SORT1: variants seen among roughly 807,000 people sequenced by gnomAD.
The protein encoded by SORT1 is sortilin 1.
SORT1 carries 39 observed loss-of-function variants against 101.7 expected under a neutral mutation model. The observed-to-expected ratio is 0.38, with a 90% CI of 0.30 to 0.50. The LOEUF is 0.50. SORT1 is among the 20% of genes least tolerant of loss of function. The probability of loss-of-function intolerance (pLI) is 0.90; values close to 1 mark genes in which losing one functional copy is unlikely to be tolerated. For synonymous variants in SORT1, 396 were observed against 393.7 expected (o/e 1.01, Z -0.07); for missense variants, 878 against 1,040.4 (o/e 0.84, Z 2.15).
chr1:109,333,916 G>T (rs1201693106), intron 11 of SORT1, among the ~76,000 whole-genome samples: 3 of 152,216 alleles, frequency 2.0e-5, no homozygotes. Flanking sequence ...GGAGGCAGAG[G>T]CGGGTGGATC....
In SORT1 at chr1:109,309,675, A is replaced by G. The variant is rs1658603038; in HGVS notation, c.*4368T>C. The G allele has an allele frequency of 2.6e-5, 4 of 152,212 alleles. No homozygotes were observed. The highest frequency in any genetic ancestry group is 2.6e-4 in the Admixed American group (4 of 15,278). The allele number at this position is 152,212 out of a possible 1,614,324, so 9.4% of individuals were successfully genotyped here. ...TAAACACATTCAGATTTATTTACAC[A>G]ATGCTAAAGAAATTTGAGTTTTATT... On this transcript the variant is annotated 3_prime_UTR_variant, in exon 20 of 20. Coordinates refer to ENST00000256637, the MANE Select transcript of SORT1 (RefSeq NM_002959.7).
chr1:109,358,085 C>A (rs1030522), intron 3 of SORT1, among the ~76,000 whole-genome samples: 1 of 151,938 alleles, frequency 6.6e-6, no homozygotes, highest in African/African-American at 2.4e-5. Flanking sequence ...CTTGGCACAA[C>A]AAACACATCC....
At position 109,397,632 on chromosome 1, in the gene SORT1, G is replaced by A. The variant is rs2100941550; in HGVS notation, c.261C>T (p.Gly87=). 2.3e-6 allele frequency: 3 copies of A among 1,277,922 alleles called. No homozygotes were observed. The highest frequency in any genetic ancestry group is 4.5e-5 in the East Asian group (1 of 22,036). The allele number at this position is 1,277,922 out of a possible 1,614,324, so 79.2% of individuals were successfully genotyped here. ...GCTTGGCGACGAAGTCCCGGACCCG[G>A]CCGCACTCCTCGTCCTCGCCCGGCG... The part of the protein sequence containing the change: ...RSAPGEDEEC[G]RVRDFVAKLA... Residue 87 remains glycine, a synonymous_variant, in exon 1 of 20, where the codon GGC becomes GGT. Coordinates refer to ENST00000256637, the MANE Select transcript of SORT1 (RefSeq NM_002959.7).
intron 1 of SORT1, among the ~76,000 whole-genome samples, chr1:109,391,292 T>C (rs1271308802): frequency 1.3e-5 from 2 of 152,170 alleles, no homozygotes; most frequent in Non-Finnish European, 1.5e-5. Flanking sequence ...CACCCCTAAA[T>C]GTGAAATCCA....
At chr1:109,314,208 T>C (rs1017707605) in intron 19 of SORT1, 53 bp downstream of exon 19, 16 of 1,150,130 alleles carry the variant, frequency 1.4e-5, no homozygotes, top group African/African-American at 1.6e-5. Flanking sequence ...GACTTTATTT[T>C]CTTGTATTTT....
intron 18 of SORT1, 57 bp downstream of exon 18, chr1:109,314,612 GCCC>G: frequency 8.0e-7 from 1 of 1,255,346 alleles, no homozygotes. Flanking sequence ...TCAGCCATAT[GCCC>G]TAGATCAGCC....
chr1:109,317,102 G>A lies in SORT1; in HGVS notation c.2142-144C>T, dbSNP rs140856969. 4.1e-4 allele frequency: 247 copies of A among 606,416 alleles called. 3 individuals are homozygous for A. The South Asian group carries it at 5.0e-3, about 12-fold the overall frequency. The allele number at this position is 606,416 out of a possible 1,614,324, so 37.6% of individuals were successfully genotyped here. ...TCAGGCCTGGGGGGAATGTCCACAG[G>A]GATGTTTTGGGGGATATTTTGTGTA... On this transcript the variant is annotated intron_variant, in intron 16 of 19. Transcript: ENST00000256637.
Position 109,313,465 on chromosome 1 carries a change from A to C in SORT1, c.*578T>G, listed in dbSNP as rs1320319458. 1 of 147,510 alleles carries C rather than the reference A, an allele frequency of 6.8e-6. No individual in the cohort carries two copies. Among genetic ancestry groups the C allele is most frequent in the Non-Finnish European group, 1.5e-5 (1 of 67,082 alleles). The allele number at this position is 147,510 out of a possible 1,614,324, so 9.1% of individuals were successfully genotyped here. On this transcript the variant is annotated 3_prime_UTR_variant, in exon 20 of 20. Coordinates refer to ENST00000256637, the MANE Select transcript of SORT1 (RefSeq NM_002959.7). ...AATCACTGTGGTCTGTGGTCTCTGA[A>C]AAAAAAAAAAAGAGTAAGTGGGATC... is the stretch of plus-strand genomic sequence containing the variant.
At chr1:109,371,940 T>C (rs1651505555) in intron 1 of SORT1, among the ~76,000 whole-genome samples, 1 of 152,176 alleles carries the variant, frequency 6.6e-6, no homozygotes. Context: ...GTCTCTAACA[T>C]TCTTATACTG....
intron 3 of SORT1, among the ~76,000 whole-genome samples, chr1:109,358,832 GAC>G (rs1227687309): frequency 6.7e-5 from 10 of 148,804 alleles, no homozygotes; most frequent in Non-Finnish European, 1.5e-5. Context: ...CAGCCTGGGC[GAC>G]AGAGTGAGAC....
chr1:109,362,127 C>T (rs1156844401), intron 3 of SORT1, among the ~76,000 whole-genome samples: 1 of 152,092 alleles, frequency 6.6e-6, no homozygotes, highest in East Asian at 1.9e-4. Context: ...AGTTCTAGTG[C>T]TATTGGCCAT....
intron 10 of SORT1, among the ~76,000 whole-genome samples, chr1:109,337,268 T>C (rs1388484146): frequency 6.6e-6 from 1 of 152,156 alleles, no homozygotes; most frequent in Non-Finnish European, 1.5e-5. Context: ...TTTATTGAGA[T>C]GGATTTTCGC....
intron 5 of SORT1, among the ~76,000 whole-genome samples, chr1:109,351,473 G>A (rs145004011): frequency 6.6e-6 from 1 of 152,234 alleles, no homozygotes; most frequent in Non-Finnish European, 1.5e-5. Context: ...AAGGCAAACA[G>A]GGAGATGAGG....
intron 15 of SORT1, among the ~76,000 whole-genome samples, chr1:109,321,330 T>A (rs551484116): frequency 6.6e-6 from 1 of 151,844 alleles, no homozygotes; most frequent in African/African-American, 2.4e-5. Context: ...TCGCCAGACT[T>A]GGGGGTGAAG....
At chr1:109,353,236 G>A (rs938401764) in intron 5 of SORT1, among the ~76,000 whole-genome samples, 5 of 150,558 alleles carry the variant, frequency 3.3e-5, no homozygotes, top group Admixed American at 6.6e-5. Flanking sequence ...GCTGAGGCAG[G>A]AGAAGCACTT....
At chr1:109,315,748 C>CT (rs553898685) in intron 17 of SORT1, among the ~76,000 whole-genome samples, 14,703 of 124,694 alleles carry the variant, frequency 0.12, 1,009 homozygotes, top group African/African-American at 0.14. Context: ...GCCTCATAAC[C>CT]TTTTTTTTTT....
intron 1 of SORT1, among the ~76,000 whole-genome samples, chr1:109,378,740 ATATATATATATATATATATAT>A (rs1557822613): frequency 2.2e-4 from 23 of 103,792 alleles, no homozygotes; most frequent in African/African-American, 8.6e-4. Flanking sequence ...ATATATATAT[ATATATATATATATATATATAT>A]AAAGATGTTA....
chr1:109,360,631 C>A (rs766231193), intron 3 of SORT1, among the ~76,000 whole-genome samples: 44 of 152,196 alleles, frequency 2.9e-4, no homozygotes, highest in Middle Eastern at 3.4e-3. Flanking sequence ...GCCACTGCGC[C>A]TGGCCTAGAT....
intron 13 of SORT1, among the ~76,000 whole-genome samples, 182 bp from the exon 14 acceptor site, chr1:109,325,271 C>T (rs1647918275): frequency 7.7e-6 from 1 of 129,796 alleles, no homozygotes; most frequent in Non-Finnish European, 1.6e-5. Flanking sequence ...TGGAGTCTCA[C>T]TCTGTCACCG....
Sources: allele counts gnomAD v4.1 joint callset (sites outside exome capture counted in the v4.1 genomes callset), GRCh38; gene constraint gnomAD v4.1.1; transcripts MANE v1.5; gene names NCBI Gene and HGNC (gene_info 2026-07-23, HGNC 2026-07-21).